The following FAM114A1 variants were observed in gnomAD, a reference collection of about 807,000 sequenced individuals.
FAM114A1 encodes the protein family with sequence similarity 114 member A1, also known as protein NOXP20.
FAM114A1 carries 62 observed loss-of-function variants against 64.3 expected under a neutral mutation model. That is an observed-to-expected ratio of 0.96 (90% CI 0.79 to 1.19). FAM114A1 has a LOEUF of 1.19. FAM114A1 is among the 50% of genes most tolerant of loss of function. The pLI, the probability that FAM114A1 is intolerant of heterozygous loss-of-function variation, is 0.00. For synonymous variants in FAM114A1, 254 were observed against 251.1 expected, an observed-to-expected ratio of 1.01 and a Z score of -0.11; for missense variants, 645 against 676.3, an observed-to-expected ratio of 0.95 and a Z score of 0.51.
chr4:38,884,980 T>G (rs961181392), intron 3 of FAM114A1, among the ~76,000 whole-genome samples: 7 of 152,128 alleles, frequency 4.6e-5, no homozygotes, highest in African/African-American at 1.4e-4. Context: ...TTATTTATAT[T>G]TATTTATTTA....
intron 8 of FAM114A1, among the ~76,000 whole-genome samples, chr4:38,919,990 C>T (rs981673048): frequency 7.9e-5 from 12 of 152,164 alleles, no homozygotes; most frequent in Admixed American, 7.2e-4. Flanking sequence ...AGGCAGATCA[C>T]TTGAGGTCAG....
intron 12 of FAM114A1, among the ~76,000 whole-genome samples, chr4:38,935,058 G>T (rs1192238363): frequency 6.6e-6 from 1 of 152,048 alleles, no homozygotes; most frequent in Non-Finnish European, 1.5e-5. Context: ...GAGATTACAG[G>T]CGCCTGCCAC....
At chr4:38,942,453 G>A (rs1721648228) in intron 14 of FAM114A1, among the ~76,000 whole-genome samples, 1 of 152,170 alleles carries the variant, frequency 6.6e-6, no homozygotes, top group South Asian at 2.1e-4. Flanking sequence ...GAGGCAGAAT[G>A]TGGTACAAGA....
Position 38,904,389 on chromosome 4 carries a change from G to A in FAM114A1, c.437-1133G>A, listed in dbSNP as rs150198954. The stretch of plus-strand genomic sequence containing the variant: ...ATAAAATGTAGACAAGACTATGTCC[G>A]TATCAGGTCAAAGGTTGGGGTTTTT... On this transcript the variant is annotated intron_variant, in intron 4 of 14. Transcript: ENST00000358869. Among the ~76,000 whole-genome samples the A allele has an allele frequency of 4.9e-3, 750 of 152,316 alleles. 7 individuals carry two copies. Among genetic ancestry groups the A allele is most frequent in the African/African-American group, 0.017 (725 of 41,564 alleles).
At chr4:38,927,367 G>A (rs1055829480) in intron 9 of FAM114A1, among the ~76,000 whole-genome samples, 2 of 152,144 alleles carry the variant, frequency 1.3e-5, no homozygotes, top group African/African-American at 4.8e-5. Flanking sequence ...CCTGATCTCT[G>A]GTTCACAGCT....
In FAM114A1 at chr4:38,912,050, G is replaced by A. The variant is rs376806276; in HGVS notation, c.793-2871G>A. Among the ~76,000 whole-genome samples the A allele has an allele frequency of 1.5e-4, 23 of 151,444 alleles. No individual in the cohort carries two copies. In the East Asian group the frequency reaches 2.5e-3, roughly 17 times the overall value. On this transcript the variant is annotated intron_variant, in intron 7 of 14. Transcript: ENST00000358869. ...TAATTTTTGTATTTTTAGTAGAGAC[G>A]GGGTTTCACCATGTTGGCCAGGCTG... is the stretch of plus-strand genomic sequence containing the variant.
At chr4:38,880,527 A>G (rs1341925935) in intron 3 of FAM114A1, among the ~76,000 whole-genome samples, 2 of 152,220 alleles carry the variant, frequency 1.3e-5, no homozygotes, top group Non-Finnish European at 2.9e-5. Context: ...TGGGACATTA[A>G]TAAGCCGCAG....
intron 8 of FAM114A1, among the ~76,000 whole-genome samples, chr4:38,915,368 T>C (rs1182344438): frequency 6.6e-6 from 1 of 152,190 alleles, no homozygotes; most frequent in Admixed American, 6.5e-5. Flanking sequence ...GTCCAGCTGC[T>C]GGCCCTCTGC....
chr4:38,936,105 T>A (rs1258440602), intron 13 of FAM114A1, among the ~76,000 whole-genome samples: 1 of 151,834 alleles, frequency 6.6e-6, no homozygotes, highest in Non-Finnish European at 1.5e-5. Context: ...TTTGTTTTTT[T>A]TTTTTGAGAC....
chr4:38,938,029 G>A (rs950988302), intron 13 of FAM114A1, among the ~76,000 whole-genome samples: 4 of 143,102 alleles, frequency 2.8e-5, no homozygotes, highest in Non-Finnish European at 3.1e-5. Context: ...GAGCCACGGC[G>A]CCCGACCTAC....
chr4:38,909,714 A>G (rs1013114946), intron 7 of FAM114A1, among the ~76,000 whole-genome samples: 6 of 152,192 alleles, frequency 3.9e-5, no homozygotes, highest in Admixed American at 3.9e-4. Flanking sequence ...GCAGCAGTGG[A>G]TTTTGTAAAC....
intron 7 of FAM114A1, among the ~76,000 whole-genome samples, chr4:38,912,919 T>C (rs939957484): frequency 3.3e-5 from 5 of 152,240 alleles, no homozygotes; most frequent in African/African-American, 1.2e-4. Flanking sequence ...GATGGTTTCA[T>C]TGGGTTGTTT....
At chr4:38,873,168 T>C (rs1714254439) in intron 2 of FAM114A1, among the ~76,000 whole-genome samples, 1 of 152,200 alleles carries the variant, frequency 6.6e-6, no homozygotes, top group African/African-American at 2.4e-5. Flanking sequence ...TCCTAAACTT[T>C]GTATACCAGC....
At chr4:38,868,088 G>A in intron 1 of FAM114A1, 1 of 421,424 alleles carries the variant, frequency 2.4e-6, no homozygotes, top group Non-Finnish European at 4.9e-6. Context: ...TGTCGCTCCG[G>A]GTCCACGCTC....
chr4:38,917,048 A>C (rs1223706310), intron 8 of FAM114A1, among the ~76,000 whole-genome samples: 1 of 152,062 alleles, frequency 6.6e-6, no homozygotes, highest in Non-Finnish European at 1.5e-5. Context: ...CTCATGCCTT[A>C]ATCCCAGCAC....
At chr4:38,869,372 C>T (rs938327014) in intron 2 of FAM114A1, among the ~76,000 whole-genome samples, 1 of 151,974 alleles carries the variant, frequency 6.6e-6, no homozygotes, top group Admixed American at 6.6e-5. Context: ...AGGGCAGCAC[C>T]GGGGCAGAGG....
intron 3 of FAM114A1, among the ~76,000 whole-genome samples, chr4:38,888,348 T>A (rs568027935): frequency 1.3e-5 from 2 of 152,104 alleles, no homozygotes; most frequent in East Asian, 3.9e-4. Flanking sequence ...TGAGATCCTG[T>A]CTCTACAAAA....
At chr4:38,874,926 AGGGAGTCCGT>A (rs1714463200) in intron 2 of FAM114A1, among the ~76,000 whole-genome samples, 1 of 152,234 alleles carries the variant, frequency 6.6e-6, no homozygotes, top group Admixed American at 6.5e-5. Context: ...TTTATTGAAT[AGGGAGTCCGT>A]TCCCCATTGT....
chr4:38,924,212 A>G (rs28675685), intron 9 of FAM114A1, among the ~76,000 whole-genome samples: 29,922 of 152,138 alleles, frequency 0.2, 3,144 homozygotes, highest in Middle Eastern at 0.3. Context: ...GTTAGATAAT[A>G]TATCTAAAAA....
Sources: gnomAD v4.1 joint callset for allele counts (sites outside exome capture counted in the v4.1 genomes callset) on GRCh38, gnomAD v4.1.1 for gene constraint, MANE v1.5 for transcripts, NCBI Gene and HGNC (gene_info 2026-07-23, HGNC 2026-07-21) for gene names.